The following DHX36 variants were observed in gnomAD, a reference collection of about 807,000 sequenced individuals.
The protein encoded by DHX36 is ATP-dependent DNA/RNA helicase DHX36.
Under a neutral mutation model 139.0 loss-of-function variants are expected in DHX36, and 50 were observed. That is an observed-to-expected ratio of 0.36 (90% CI 0.29 to 0.46). The LOEUF is 0.46. Among genes scored for constraint, DHX36 ranks in the 20% least tolerant of loss-of-function variants. The pLI is 1.00. For missense variants in DHX36, 1,024 were observed against 1,211.3 expected, an observed-to-expected ratio of 0.85 and a Z score of 2.29; for synonymous variants, 425 against 401.9, an observed-to-expected ratio of 1.06 and a Z score of -0.69.
Position 154,324,312 on chromosome 3 carries a change from G to A in DHX36, c.105C>T (p.Gly35=), listed in dbSNP as rs769690042. Residue 35 remains glycine, a synonymous_variant, in exon 1 of 25, where the codon GGC becomes GGT. Coordinates refer to ENST00000496811, the MANE Select transcript of DHX36 (RefSeq NM_020865.3). ...CTCCGCCGCCGCCGCCTCCTCCGGA[G>A]CCTCGGTTACCTCCATGACCCCCTG... is the stretch of plus-strand genomic sequence containing the variant. ...GPAGGHGGNR[G]SGGGGGGGGG... is the part of the protein sequence containing the mutation. The A allele has an allele frequency of 1.2e-6, 2 of 1,611,522 alleles. No homozygotes were observed. Among genetic ancestry groups the A allele is most frequent in the Admixed American group, 3.4e-5 (2 of 59,686 alleles).
intron 16 of DHX36, 85 bp from the exon 17 acceptor site, chr3:154,289,049 C>A (rs1335647760): frequency 1.8e-5 from 9 of 514,228 alleles, no homozygotes; most frequent in South Asian, 6.2e-5. Flanking sequence ...GCTGATGACT[C>A]AAAGCATCAA....
At position 154,277,820 on chromosome 3, in the gene DHX36, C is replaced by T. The variant is rs1400032917; in HGVS notation, c.2568-102G>A. 8.2e-6 allele frequency: 9 copies of T among 1,094,898 alleles called. No individual in the cohort carries two copies. In the Admixed American group the frequency reaches 2.4e-4, roughly 30 times the overall value. 67.8% of individuals were successfully genotyped at this position (1,094,898 alleles called of 1,614,324 possible). Reference sequence around the variant, plus strand: ...ACTGATAGAAGAGCTTGGTAAAAACCAAACAAATCCCGGAATCTAAAAAAA... The same window carrying T: ...ACTGATAGAAGAGCTTGGTAAAAACTAAACAAATCCCGGAATCTAAAAAAA... On this transcript the variant is annotated intron_variant, in intron 22 of 24. Transcript: ENST00000496811.
At chr3:154,307,868 T>C (rs1368479449) in intron 5 of DHX36, among the ~76,000 whole-genome samples, 3 of 151,876 alleles carry the variant, frequency 2.0e-5, no homozygotes, top group African/African-American at 7.3e-5. Flanking sequence ...ACGGAATCAA[T>C]CTAAGTGCTC....
rs1719139775 is a variant in DHX36 at position 154,276,116 on chromosome 3, A to G, written c.*55T>C. Reference sequence around the variant, plus strand: ...GGTTTGGCATCCAGCCAAAATTTAAACAATGATGAAGAATGGCTGTCAAAC... The same window carrying G: ...GGTTTGGCATCCAGCCAAAATTTAAGCAATGATGAAGAATGGCTGTCAAAC... On this transcript the variant is annotated 3_prime_UTR_variant, in exon 25 of 25. Coordinates refer to ENST00000496811, the MANE Select transcript of DHX36 (RefSeq NM_020865.3). 1.3e-6 allele frequency: 2 copies of G among 1,556,126 alleles called. No homozygotes were observed. The highest frequency in any genetic ancestry group is 4.0e-5 in the Admixed American group (2 of 49,496).
At position 154,311,642 on chromosome 3, in the gene DHX36, C is replaced by T. The variant is rs1416615950; in HGVS notation, c.636G>A (p.Met212Ile). The T allele has an allele frequency of 6.3e-7, 1 of 1,595,650 alleles. No homozygotes were observed. Among genetic ancestry groups the T allele is most frequent in the Admixed American group, 1.8e-5 (1 of 55,220 alleles). ...GTGGAAAAAAGCACTTTACCTTTTG[C>T]ATTCCATACGAAGGCAGCTTTTCTC... ...HFREKLPSYG[M>I]QKELVNLIDN... Residue 212 changes from methionine (M) to isoleucine (I), a missense_variant, in exon 4 of 25, where the codon ATG (methionine) becomes ATA (isoleucine). Transcript: ENST00000496811.
chr3:154,297,450 C>T (rs537238407), intron 12 of DHX36, among the ~76,000 whole-genome samples: 3 of 152,164 alleles, frequency 2.0e-5, no homozygotes, highest in African/African-American at 4.8e-5. Flanking sequence ...CAGTGGCTCA[C>T]GCCCGCAATC....
rs942213859 is a variant in DHX36 at position 154,297,403 on chromosome 3, C to T, written c.1550-2064G>A. 1.4e-4 allele frequency among the ~76,000 whole-genome samples: 22 copies of T among 152,148 alleles called. 1 individual carries two copies. Among genetic ancestry groups the T allele is most frequent in the Admixed American group, 1.3e-3 (20 of 15,280 alleles). On this transcript the variant is annotated intron_variant, in intron 12 of 24. Coordinates refer to ENST00000496811, the MANE Select transcript of DHX36 (RefSeq NM_020865.3). ...AAAAAATAATTGTTGGCACTGAAGT[C>T]GTGGATTCATTAAGATTCTCTAGTT...
In DHX36 at chr3:154,300,612, G is replaced by A; in HGVS notation, c.1443C>T (p.Tyr481=). 1 of 1,613,028 alleles carries A rather than the reference G, an allele frequency of 6.2e-7. No individual in the cohort carries two copies. The highest frequency in any genetic ancestry group is 8.5e-7 in the Non-Finnish European group (1 of 1,179,456). The change falls in exon 11 of 25, where the codon TAC becomes TAT. Residue 481 remains tyrosine, a synonymous_variant. Transcript: ENST00000496811. Reference sequence around the variant, plus strand: ...AACTAACCTCTTCTTCCAAAACAATGTATCGGATGAGGGCAACAATCAAAT... The same window carrying A: ...AACTAACCTCTTCTTCCAAAACAATATATCGGATGAGGGCAACAATCAAAT... ...DLNLIVALIR[Y]IVLEEEDGAI... is the part of the protein sequence containing the mutation.
chr3:154,294,189 A>T (rs1353341041), intron 13 of DHX36, among the ~76,000 whole-genome samples: 2 of 152,180 alleles, frequency 1.3e-5, no homozygotes, highest in Non-Finnish European at 2.9e-5. Context: ...AACACTGAAT[A>T]ATCAGGCAGA....
At chr3:154,283,645 T>G (rs1719408303) in intron 19 of DHX36, among the ~76,000 whole-genome samples, 1 of 151,914 alleles carries the variant, frequency 6.6e-6, no homozygotes, top group Non-Finnish European at 1.5e-5. Flanking sequence ...TAGTTTGCTT[T>G]TTTTTTTAAG....
chr3:154,300,614 A>G lies in DHX36; in HGVS notation c.1441T>C (p.Tyr481His). 2.5e-6 allele frequency: 4 copies of G among 1,613,190 alleles called. No homozygotes were observed. Among genetic ancestry groups the G allele is most frequent in the South Asian group, 1.1e-5 (1 of 90,980 alleles). The change falls in exon 11 of 25, where the codon TAC (tyrosine) becomes CAC (histidine). Residue 481 changes from tyrosine (Y) to histidine (H), a missense_variant. Coordinates refer to ENST00000496811, the MANE Select transcript of DHX36 (RefSeq NM_020865.3). ...CTAACCTCTTCTTCCAAAACAATGT[A>G]TCGGATGAGGGCAACAATCAAATTC... ...DLNLIVALIR[Y>H]IVLEEEDGAI...
intron 13 of DHX36, among the ~76,000 whole-genome samples, chr3:154,294,629 C>A (rs1237128359): frequency 6.6e-6 from 1 of 151,952 alleles, no homozygotes; most frequent in Non-Finnish European, 1.5e-5. Context: ...GACTAAGGTA[C>A]CAGCAACAAA....
chr3:154,291,066 C>T (rs1284304945), intron 15 of DHX36, among the ~76,000 whole-genome samples: 1 of 122,952 alleles, frequency 8.1e-6, no homozygotes, highest in African/African-American at 3.1e-5. Context: ...ACCCGGGAGG[C>T]GGAGCTTGCA....
intron 3 of DHX36, among the ~76,000 whole-genome samples, chr3:154,314,269 T>C (rs1300247021): frequency 6.6e-6 from 1 of 152,196 alleles, no homozygotes; most frequent in Non-Finnish European, 1.5e-5. Flanking sequence ...AATACGGAAA[T>C]CCAACTGTCA....
Position 154,304,815 on chromosome 3 carries a change from C to T in DHX36, c.1126G>A (p.Glu376Lys), listed in dbSNP as rs762011011. The part of the protein sequence containing the change: ...SATLNAEKFS[E>K]YFGNCPMIHI... ...TATACATTTTACTCACCAAAATATTCTGAAAACTTTTCTGCATTCAATGTT... is the reference window on the plus strand; with the variant it reads ...TATACATTTTACTCACCAAAATATTTTGAAAACTTTTCTGCATTCAATGTT... The change falls in exon 8 of 25, where the codon GAA (glutamate) becomes AAA (lysine). Residue 376 changes from glutamate to lysine, a missense_variant. By Grantham distance (56) the Glu-to-Lys change is moderately conservative. This residue lies in a region of DHX36 where 146 missense variants were observed against 215.0 expected (regional missense o/e 0.68). Coordinates refer to ENST00000496811, the MANE Select transcript of DHX36 (RefSeq NM_020865.3). 2 of 1,557,288 alleles carry T rather than the reference C, an allele frequency of 1.3e-6. No individual in the cohort carries two copies. Among genetic ancestry groups the T allele is most frequent in the South Asian group, 2.5e-5 (2 of 81,196 alleles).
intron 16 of DHX36, among the ~76,000 whole-genome samples, 168 bp downstream of exon 16, chr3:154,289,541 G>A (rs574907839): frequency 1.3e-5 from 2 of 152,258 alleles, no homozygotes; most frequent in East Asian, 3.9e-4. Context: ...TAAAAGTGTT[G>A]AATATACATT....
rs1210077037 is a variant in DHX36 at position 154,311,694 on chromosome 3, T to A, written c.604-20A>T. On this transcript the variant is annotated intron_variant, in intron 3 of 24. Coordinates refer to ENST00000496811, the MANE Select transcript of DHX36 (RefSeq NM_020865.3). ...GAAATGCTGAAATTTAAAAAAAGTTTTAAATTTTCACAGAAGATATGTAAT... is the reference window on the plus strand; with the variant it reads ...GAAATGCTGAAATTTAAAAAAAGTTATAAATTTTCACAGAAGATATGTAAT... 6.3e-7 allele frequency: 1 copy of A among 1,587,606 alleles called. No homozygotes were observed. Among genetic ancestry groups the A allele is most frequent in the East Asian group, 2.3e-5 (1 of 43,722 alleles).
At chr3:154,288,986 T>C (rs775443134) in intron 16 of DHX36, 22 bp from the exon 17 acceptor site, 3 of 1,211,554 alleles carry the variant, frequency 2.5e-6, no homozygotes. Context: ...AGACAAATAT[T>C]ATTAAATACA....
chr3:154,312,877 AT>A lies in DHX36; in HGVS notation c.604-1204del, dbSNP rs1559958729. Reference sequence around the variant, plus strand: ...AATATATATATATATATATATATATATATATATATATATATATATATATAAA... The same window carrying A: ...AATATATATATATATATATATATATAATATATATATATATATATATATAAA... On this transcript the variant is annotated intron_variant, in intron 3 of 24. Transcript: ENST00000496811. 5.0e-4 allele frequency among the ~76,000 whole-genome samples: 57 copies of A among 113,010 alleles called. 2 individuals are homozygous for A. Among genetic ancestry groups the A allele is most frequent in the African/African-American group, 1.6e-3 (45 of 28,582 alleles). The allele number at this position is 113,010 out of a possible 152,430, so 74.1% of individuals were successfully genotyped here. A position where few individuals can be genotyped will look rare whatever the true frequency, so the allele number is the denominator to read the frequency against.
Sources: gnomAD v4.1 joint callset for allele counts (sites outside exome capture counted in the v4.1 genomes callset) on GRCh38, gnomAD v4.1.1 for gene constraint, gnomAD v4.1.1 regional missense constraint, MANE v1.5 for transcripts, NCBI Gene and HGNC (gene_info 2026-07-23, HGNC 2026-07-21) for gene names.